Variants in F13B observed in about 807,000 individuals in gnomAD.
F13B encodes coagulation factor XIII B chain.
A neutral mutation model predicts 79.8 loss-of-function variants in F13B; 58 were observed. That is an observed-to-expected ratio of 0.73 (90% CI 0.59 to 0.90). F13B has a LOEUF of 0.90. Among genes scored for constraint, F13B ranks in the 40% least tolerant of loss-of-function variants. F13B has a pLI of 0.00. For missense variants in F13B, 773 were observed against 777.0 expected (o/e 0.99, Z 0.06); for synonymous variants, 283 against 260.3 (o/e 1.09, Z -0.84).
intron 10 of F13B, among the ~76,000 whole-genome samples, chr1:197,041,847 C>T (rs1655048497): frequency 6.6e-6 from 1 of 152,154 alleles, no homozygotes; most frequent in South Asian, 2.1e-4. Context: ...CTTCTTCACA[C>T]TTTCATAGAC....
At chr1:197,051,129 G>C (rs947559033) in intron 9 of F13B, among the ~76,000 whole-genome samples, 2 of 152,040 alleles carry the variant, frequency 1.3e-5, no homozygotes, top group Admixed American at 1.3e-4. Flanking sequence ...GGTTGGTCTT[G>C]AATTCCTGGG....
At chr1:197,049,271 C>A (rs1161985978) in intron 10 of F13B, among the ~76,000 whole-genome samples, 1 of 151,632 alleles carries the variant, frequency 6.6e-6, no homozygotes, top group African/African-American at 2.4e-5. Context: ...AAGATAATAG[C>A]ATAATTAATA....
chr1:197,060,052 G>A (rs975404969), intron 5 of F13B, among the ~76,000 whole-genome samples: 7 of 151,986 alleles, frequency 4.6e-5, no homozygotes, highest in Non-Finnish European at 1.0e-4. Context: ...CTGCCAGATT[G>A]GGGTAATTAG....
Position 197,055,724 on chromosome 1 carries a change from C to G in F13B, c.1345G>C (p.Val449Leu), listed in dbSNP as rs1331312940. 1 of 1,613,206 alleles carries G rather than the reference C, an allele frequency of 6.2e-7. No homozygotes were observed. The highest frequency in any genetic ancestry group is 1.7e-5 in the Admixed American group (1 of 59,870). Residue 449 changes from valine to leucine, a missense_variant, in exon 8 of 12, where the codon GTT (valine) becomes CTT (leucine). Coordinates refer to ENST00000367412, the MANE Select transcript of F13B (RefSeq NM_001994.3). Reference sequence around the variant, plus strand: ...GTGTTCTCTTTCTTACCCAAGCAAACAGGTGGGGATGACCATTTTCCTTGT... The same window carrying G: ...GTGTTCTCTTTCTTACCCAAGCAAAGAGGTGGGGATGACCATTTTCCTTGT... ...CEQGKWSSPP[V>L]CLEPCTVNVD...
At chr1:197,057,980 C>T (rs1006253403) in intron 5 of F13B, among the ~76,000 whole-genome samples, 8 of 152,252 alleles carry the variant, frequency 5.3e-5, no homozygotes, top group African/African-American at 1.9e-4. Context: ...TGCAGTCCAG[C>T]TAACATCTTG....
chr1:197,059,449 C>T (rs1655764832), intron 5 of F13B, among the ~76,000 whole-genome samples: 1 of 152,130 alleles, frequency 6.6e-6, no homozygotes, highest in South Asian at 2.1e-4. Context: ...TCACCACTTT[C>T]CTCCAAGTTC....
At chr1:197,048,976 C>T (rs1655342887) in intron 10 of F13B, among the ~76,000 whole-genome samples, 1 of 151,470 alleles carries the variant, frequency 6.6e-6, no homozygotes, top group Admixed American at 6.6e-5. Context: ...TAGAAAATCC[C>T]CTAAATATTC....
intron 10 of F13B, among the ~76,000 whole-genome samples, chr1:197,042,133 C>T (rs1051814143): frequency 6.6e-6 from 1 of 152,102 alleles, no homozygotes; most frequent in African/African-American, 2.4e-5. Context: ...AAAGTGAAAC[C>T]GCAGCTGAGA....
chr1:197,064,966 C>A (rs575893149), intron 1 of F13B, among the ~76,000 whole-genome samples: 1 of 152,060 alleles, frequency 6.6e-6, no homozygotes, highest in Admixed American at 6.6e-5. Context: ...GTAGTGCTAG[C>A]CTAGGTTTGA....
intron 3 of F13B, 85 bp downstream of exon 3, chr1:197,061,695 TTAAA>T: frequency 9.3e-7 from 1 of 1,070,214 alleles, no homozygotes; most frequent in Admixed American, 2.2e-5. Context: ...ATAAATTCTA[TTAAA>T]TAATAGATAT....
chr1:197,039,239 A>G lies in F13B; in HGVS notation c.*139T>C. 1 of 694,778 alleles carries G rather than the reference A, an allele frequency of 1.4e-6. No individual in the cohort carries two copies. The highest frequency in any genetic ancestry group is 2.5e-6 in the Non-Finnish European group (1 of 403,964). 43.0% of individuals were successfully genotyped at this position (694,778 alleles called of 1,614,324 possible). ...TTGGTTTTCATTTATAAATAACGAAATGTTCAGCACAAATAATTTAGATTC... is the reference window on the plus strand; with the variant it reads ...TTGGTTTTCATTTATAAATAACGAAGTGTTCAGCACAAATAATTTAGATTC... On this transcript the variant is annotated 3_prime_UTR_variant, in exon 12 of 12. Coordinates refer to ENST00000367412, the MANE Select transcript of F13B (RefSeq NM_001994.3).
rs779402912 is a variant in F13B at position 197,050,853 on chromosome 1, G to A, written c.1582C>T (p.Pro528Ser). The A allele has an allele frequency of 8.1e-6, 13 of 1,613,052 alleles. No individual in the cohort carries two copies. The African/African-American group carries it at 1.7e-4, about 22-fold the overall frequency. Residue 528 changes from proline (P) to serine (S), a missense_variant, in exon 10 of 12, where the codon CCT becomes TCT. Coordinates refer to ENST00000367412, the MANE Select transcript of F13B (RefSeq NM_001994.3). ...KESKGMCTSP[P>S]LIKHGVIISS... Reference sequence around the variant, plus strand: ...ATAATGACTCCATGTTTAATAAGAGGAGGAGATGTGCACATTCCTTTAGAT... The same window carrying A: ...ATAATGACTCCATGTTTAATAAGAGAAGGAGATGTGCACATTCCTTTAGAT...
chr1:197,040,567 C>T lies in F13B; in HGVS notation c.1907G>A (p.Cys636Tyr). Residue 636 changes from cysteine (C) to tyrosine (Y), a missense_variant, in exon 11 of 12, where the codon TGT becomes TAT. Cys to Tyr is a radical substitution (Grantham distance 194). Coordinates refer to ENST00000367412, the MANE Select transcript of F13B (RefSeq NM_001994.3). ...TGGATATTTTAACTGCCCTCTGTCA[C>T]ATTGCATTCTAAGTATAGATCCAGT... The part of the protein sequence containing the change: ...YITGSILRMQ[C>Y]DRGQLKYPRC... 1 of 1,612,746 alleles carries T rather than the reference C, an allele frequency of 6.2e-7. No homozygotes were observed. The highest frequency in any genetic ancestry group is 1.1e-5 in the South Asian group (1 of 91,016).
At chr1:197,047,047 C>T (rs1655259355) in intron 10 of F13B, among the ~76,000 whole-genome samples, 1 of 152,086 alleles carries the variant, frequency 6.6e-6, no homozygotes. Flanking sequence ...GACCTAACAC[C>T]ATACAAACCC....
Position 197,045,806 on chromosome 1 carries a change from C to T in F13B, c.1738+4891G>A, listed in dbSNP as rs142865974. On this transcript the variant is annotated intron_variant, in intron 10 of 11. Transcript: ENST00000367412. ...CCAAATCCAGCAGCACATCAAAAAG[C>T]TTATCCACCACGATCAAGATGGCTT... 7.5e-4 allele frequency among the ~76,000 whole-genome samples: 114 copies of T among 152,274 alleles called. 1 individual carries two copies. The East Asian group carries it at 0.02, about 27-fold the overall frequency.
chr1:197,056,887 C>A (rs1444615132), intron 7 of F13B, 126 bp downstream of exon 7: 1 of 849,236 alleles, frequency 1.2e-6, no homozygotes, highest in African/African-American at 1.7e-5. Flanking sequence ...AGAGTAGGTG[C>A]TGTAGCAATG....
chr1:197,051,635 G>T (rs1033969265), intron 9 of F13B, among the ~76,000 whole-genome samples: 2 of 152,080 alleles, frequency 1.3e-5, no homozygotes, highest in African/African-American at 4.8e-5. Flanking sequence ...GGAATTAAAA[G>T]ATGTCAGCAT....
chr1:197,061,055 A>C lies in F13B; in HGVS notation c.472T>G (p.Leu158Val), dbSNP rs1655841563. The C allele has an allele frequency of 6.4e-7, 1 of 1,558,636 alleles. No homozygotes were observed. ...KEHETCLAPE[L>V]YNGNYSTTQK... ...GTTGTGGAATAATTTCCATTATATA[A>C]TTCAGGAGCCAAACATGTTTCTAAA... Residue 158 changes from leucine (L) to valine (V), a missense_variant, in exon 4 of 12, where the codon TTA (leucine) becomes GTA (valine). Coordinates refer to ENST00000367412, the MANE Select transcript of F13B (RefSeq NM_001994.3).
At chr1:197,039,616 A>C (rs1280618203) in intron 11 of F13B, among the ~76,000 whole-genome samples, 1 of 152,078 alleles carries the variant, frequency 6.6e-6, no homozygotes, top group Non-Finnish European at 1.5e-5. Flanking sequence ...TGATTTTTTA[A>C]ATATTTTCTA....
Sources: gnomAD v4.1 joint callset for allele counts (sites outside exome capture counted in the v4.1 genomes callset) on GRCh38, gnomAD v4.1.1 for gene constraint, MANE v1.5 for transcripts, NCBI Gene and HGNC (gene_info 2026-07-23, HGNC 2026-07-21) for gene names.